Variants in XRCC6 observed in about 807,000 individuals in gnomAD.
XRCC6 encodes the protein DNA repair protein Ku70.
A neutral mutation model predicts 65.7 loss-of-function variants in XRCC6; 5 were observed. The ratio of observed to expected loss-of-function variants is 0.08; its 90% CI spans 0.04 to 0.16. The LOEUF (loss-of-function observed/expected upper bound fraction) is 0.16. Ranked by LOEUF, XRCC6 falls within the 10% of genes least tolerant of loss-of-function variation. XRCC6 has a pLI of 1.00. For synonymous variants in XRCC6, 270 were observed against 270.6 expected (o/e 1.00, Z 0.02); for missense variants, 447 against 738.1 (o/e 0.61, Z 4.57).
intron 3 of XRCC6, among the ~76,000 whole-genome samples, chr22:41,634,556 T>G (rs2067789859): frequency 2.0e-5 from 3 of 150,632 alleles, no homozygotes; most frequent in Non-Finnish European, 4.4e-5. Flanking sequence ...CTTTTTTTTT[T>G]TTTTTTGAGA....
chr22:41,662,024 A>G (rs1478231411), intron 12 of XRCC6, among the ~76,000 whole-genome samples: 1 of 152,196 alleles, frequency 6.6e-6, no homozygotes, highest in South Asian at 2.1e-4. Flanking sequence ...AATCAAAACA[A>G]TTGAACTCAT....
chr22:41,636,280 C>T, intron 4 of XRCC6, 29 bp downstream of exon 4: 2 of 1,565,468 alleles, frequency 1.3e-6, no homozygotes, highest in Non-Finnish European at 8.6e-7. Flanking sequence ...TCAGCTTTTC[C>T]CTTATATATG....
At chr22:41,650,502 A>C (rs1026236416) in intron 7 of XRCC6, among the ~76,000 whole-genome samples, 1 of 152,006 alleles carries the variant, frequency 6.6e-6, no homozygotes, top group Non-Finnish European at 1.5e-5. Flanking sequence ...TTGAACATCT[A>C]CCTCTTGGGA....
intron 3 of XRCC6, among the ~76,000 whole-genome samples, chr22:41,632,955 C>T (rs1044526940): frequency 2.0e-5 from 3 of 151,326 alleles, no homozygotes; most frequent in East Asian, 2.0e-4. Flanking sequence ...GGTGAAACCT[C>T]GTCTCTACTA....
intron 12 of XRCC6, among the ~76,000 whole-genome samples, chr22:41,661,945 G>A (rs1261560121): frequency 6.6e-6 from 1 of 152,182 alleles, no homozygotes; most frequent in Non-Finnish European, 1.5e-5. Context: ...GCAATAATAT[G>A]TTAAGTGAAG....
At chr22:41,656,550 A>G (rs954577768) in intron 9 of XRCC6, among the ~76,000 whole-genome samples, 9 of 149,974 alleles carry the variant, frequency 6.0e-5, no homozygotes, top group Admixed American at 2.0e-4. Context: ...AACATTAAAT[A>G]TTAAATTTAT....
At chr22:41,632,033 C>T (rs2067759765) in intron 3 of XRCC6, among the ~76,000 whole-genome samples, 1 of 152,120 alleles carries the variant, frequency 6.6e-6, no homozygotes, top group Non-Finnish European at 1.5e-5. Context: ...CAGGCTGAGG[C>T]AGGAGAATCA....
chr22:41,648,925 A>G (rs371410290), intron 7 of XRCC6, among the ~76,000 whole-genome samples: 3 of 151,786 alleles, frequency 2.0e-5, no homozygotes, highest in South Asian at 2.1e-4. Flanking sequence ...TGAATCTGCT[A>G]CTAAGCTGTT....
chr22:41,640,090 C>T lies in XRCC6; in HGVS notation c.773+2299C>T, dbSNP rs936507680. 3.9e-5 allele frequency among the ~76,000 whole-genome samples: 6 copies of T among 152,200 alleles called. No individual in the cohort carries two copies. In the East Asian group the frequency reaches 7.7e-4, roughly 20 times the overall value. ...TCTTGCCCAGGCTGGAGTACAATGG[C>T]ACCACAGCCTACAACTCCTGGGCTC... On this transcript the variant is annotated intron_variant, in intron 6 of 12. Coordinates refer to ENST00000360079, the MANE Select transcript of XRCC6 (RefSeq NM_001469.5).
chr22:41,643,548 C>T (rs760997519), intron 6 of XRCC6, among the ~76,000 whole-genome samples: 12 of 152,098 alleles, frequency 7.9e-5, no homozygotes, highest in Non-Finnish European at 1.2e-4. Flanking sequence ...TGGCCGGGCG[C>T]GCTGGCTCAT....
At chr22:41,656,696 C>T (rs1264106727) in intron 9 of XRCC6, among the ~76,000 whole-genome samples, 1 of 152,166 alleles carries the variant, frequency 6.6e-6, no homozygotes, top group Non-Finnish European at 1.5e-5. Flanking sequence ...GGAAGGGGCA[C>T]CCCTCCTCCC....
rs147467039 is a variant in XRCC6 at position 41,656,994 on chromosome 22, G to A, written c.1383G>A (p.Lys461=). Residue 461 remains lysine, a synonymous_variant, in exon 10 of 13, where the codon AAG becomes AAA. Transcript: ENST00000360079. ...TGGCAACTCCAGAGCAGGTGGGCAA[G>A]ATGAAGGCTATCGTTGAGAAGCTTC... The part of the protein sequence containing the change: ...KIMATPEQVG[K]MKAIVEKLRF... 6.4e-4 allele frequency: 1,033 copies of A among 1,603,338 alleles called. No homozygotes were observed. The highest frequency in any genetic ancestry group is 8.2e-4 in the Non-Finnish European group (970 of 1,177,302).
intron 6 of XRCC6, among the ~76,000 whole-genome samples, chr22:41,643,206 C>T (rs1360263188): frequency 6.6e-6 from 1 of 151,152 alleles, no homozygotes; most frequent in South Asian, 2.1e-4. Flanking sequence ...GTCAGGAGTT[C>T]GAGACCAGCC....
chr22:41,658,643 C>T (rs936257100), intron 11 of XRCC6, among the ~76,000 whole-genome samples: 2 of 152,200 alleles, frequency 1.3e-5, no homozygotes, highest in East Asian at 1.9e-4. Context: ...AGGCTGGGCA[C>T]GGTGGCTCAT....
intron 12 of XRCC6, among the ~76,000 whole-genome samples, chr22:41,661,873 TGTG>T (rs1361518409): frequency 1.3e-5 from 2 of 152,152 alleles, no homozygotes; most frequent in Non-Finnish European, 2.9e-5. Flanking sequence ...GTAAAGAAAA[TGTG>T]GTACACGTAC....
intron 7 of XRCC6, chr22:41,648,211 C>T (rs1019434918): frequency 4.6e-5 from 7 of 152,118 alleles, no homozygotes; most frequent in African/African-American, 1.4e-4. Flanking sequence ...TTCTTGCTAA[C>T]CTGTTAAACC....
At chr22:41,648,793 A>G (rs2147102163) in intron 7 of XRCC6, among the ~76,000 whole-genome samples, 1 of 152,224 alleles carries the variant, frequency 6.6e-6, no homozygotes, top group African/African-American at 2.4e-5. Context: ...CCATTTTGGA[A>G]GTAACTAATT....
At chr22:41,638,921 A>C (rs1186235190) in intron 6 of XRCC6, among the ~76,000 whole-genome samples, 1 of 152,200 alleles carries the variant, frequency 6.6e-6, no homozygotes, top group Non-Finnish European at 1.5e-5. Context: ...ACATGACTGC[A>C]TACTTTTATA....
intron 3 of XRCC6, 104 bp from the exon 4 acceptor site, chr22:41,636,009 A>G (rs1363314275): frequency 5.0e-6 from 5 of 1,008,960 alleles, no homozygotes; most frequent in Non-Finnish European, 2.8e-6. Flanking sequence ...TTTTAGTGCC[A>G]TATACAAATT....
Sources: allele counts gnomAD v4.1 joint callset (sites outside exome capture counted in the v4.1 genomes callset), GRCh38; gene constraint gnomAD v4.1.1; transcripts MANE v1.5; gene names NCBI Gene and HGNC (gene_info 2026-07-23, HGNC 2026-07-21).